UCK2: variants seen among roughly 807,000 people sequenced by gnomAD.
UCK2 encodes uridine-cytidine kinase 2.
Under a neutral mutation model 30.8 loss-of-function variants are expected in UCK2, and 6 were observed. That is an observed-to-expected ratio of 0.19 (90% CI 0.11 to 0.38). The LOEUF (loss-of-function observed/expected upper bound fraction) is 0.38, where lower values mean the gene tolerates loss of function less well. Ranked by LOEUF, UCK2 falls within the 10% of genes least tolerant of loss-of-function variation. The pLI, the probability that UCK2 is intolerant of heterozygous loss-of-function variation, is 1.00. For synonymous variants in UCK2, 125 were observed against 133.6 expected (o/e 0.94, Z 0.45); for missense variants, 210 against 339.8 (o/e 0.62, Z 3.00).
rs538874834 is a variant in UCK2 at position 165,891,293 on chromosome 1, C to G, written c.327C>G (p.Ile109Met). Residue 109 changes from isoleucine to methionine, a missense_variant, in exon 3 of 7, where the codon ATC (isoleucine) becomes ATG (methionine). By Grantham distance (10) the Ile-to-Met change is conservative. Coordinates refer to ENST00000367879, the MANE Select transcript of UCK2 (RefSeq NM_012474.5). ...KEITEGKTVQIPVYDFVSHSR... is the reference protein window; with the variant it reads ...KEITEGKTVQMPVYDFVSHSR... ...TCACTGAAGGGAAAACAGTCCAGAT[C>G]CCCGTGTATGACTTTGTCTCCCATT... The G allele has an allele frequency of 1.2e-6, 2 of 1,614,246 alleles. No homozygotes were observed. The highest frequency in any genetic ancestry group is 1.7e-6 in the Non-Finnish European group (2 of 1,180,050).
At chr1:165,842,231 G>C (rs1654347705) in intron 1 of UCK2, among the ~76,000 whole-genome samples, 1 of 152,138 alleles carries the variant, frequency 6.6e-6, no homozygotes, top group Non-Finnish European at 1.5e-5. Flanking sequence ...TCATGCCTCA[G>C]AATCCCCTTC....
At chr1:165,902,592 A>ACTTTTTTTTTTT (rs1647513972) in intron 4 of UCK2, 1 of 45,758 alleles carries the variant, frequency 2.2e-5, no homozygotes, top group Non-Finnish European at 3.8e-5. Context: ...TCACTGAGTG[A>ACTTTTTTTTTTT]TTTTTTTTTT....
chr1:165,851,286 C>G (rs1417014593), intron 1 of UCK2, among the ~76,000 whole-genome samples: 1 of 152,228 alleles, frequency 6.6e-6, no homozygotes, highest in African/African-American at 2.4e-5. Context: ...ATCCTTATTT[C>G]CTGGCTTCGC....
chr1:165,833,709 A>G (rs74547300), intron 1 of UCK2, among the ~76,000 whole-genome samples: 3,220 of 152,110 alleles, frequency 0.021, 110 homozygotes, highest in African/African-American at 0.072. Flanking sequence ...CTTTTTTGCT[A>G]GTGGGCTCTG....
intron 6 of UCK2, 96 bp from the exon 7 acceptor site, chr1:165,907,588 T>A: frequency 6.7e-7 from 1 of 1,497,104 alleles, no homozygotes; most frequent in Non-Finnish European, 9.0e-7. Context: ...GTCTTTCTAC[T>A]GTGGTTCCTG....
intron 1 of UCK2, among the ~76,000 whole-genome samples, chr1:165,884,560 A>T (rs372239840): frequency 3.9e-5 from 6 of 152,272 alleles, no homozygotes; most frequent in Middle Eastern, 3.4e-3. Context: ...TGAGCACTGA[A>T]GTGTAGTGGA....
In UCK2 at chr1:165,827,881, C is replaced by T; in HGVS notation, c.48C>T (p.Asn16=). 2 of 1,478,908 alleles carry T rather than the reference C, an allele frequency of 1.4e-6. No homozygotes were observed. The highest frequency in any genetic ancestry group is 1.4e-5 in the South Asian group (1 of 72,972). The allele number at this position is 1,478,908 out of a possible 1,614,324, so 91.6% of individuals were successfully genotyped here. Residue 16 remains asparagine, a synonymous_variant, in exon 1 of 7, where the codon AAC becomes AAT. Transcript: ENST00000367879. ...CCCTGCAGAACCACCAGCAGCCCAA[C>T]GGCGGCGAGCCCTTCCTTATAGGCG... is the stretch of plus-strand genomic sequence containing the variant. ...EQTLQNHQQP[N]GGEPFLIGVS... is the part of the protein sequence containing the mutation.
rs571243473 is a variant in UCK2 at position 165,880,896 on chromosome 1, G to C, written c.100-9308G>C. 5.3e-5 allele frequency among the ~76,000 whole-genome samples: 8 copies of C among 152,074 alleles called. No individual in the cohort carries two copies. In the South Asian group the frequency reaches 8.3e-4, roughly 16 times the overall value. Reference sequence around the variant, plus strand: ...TGTTTAAGATGATGTAGCAGGCTGGGCGTGGTGGCTCATGCCTGTAATCCC... The same window carrying C: ...TGTTTAAGATGATGTAGCAGGCTGGCCGTGGTGGCTCATGCCTGTAATCCC... On this transcript the variant is annotated intron_variant, in intron 1 of 6. Coordinates refer to ENST00000367879, the MANE Select transcript of UCK2 (RefSeq NM_012474.5).
At chr1:165,844,704 G>T (rs1654405884) in intron 1 of UCK2, among the ~76,000 whole-genome samples, 1 of 152,158 alleles carries the variant, frequency 6.6e-6, no homozygotes. Flanking sequence ...GCTGAAGGTC[G>T]AGCTGATCAC....
Position 165,907,976 on chromosome 1 carries a change from A to G in UCK2, c.*153A>G. 4.4e-6 allele frequency: 5 copies of G among 1,145,042 alleles called. No individual in the cohort carries two copies. The highest frequency in any genetic ancestry group is 1.9e-5 in the South Asian group (1 of 51,420). The allele number at this position is 1,145,042 out of a possible 1,614,324, so 70.9% of individuals were successfully genotyped here. On this transcript the variant is annotated 3_prime_UTR_variant, in exon 7 of 7. Transcript: ENST00000367879. Reference sequence around the variant, plus strand: ...CCTTTGATTTTTTTTTTCTTTTTGTACTTTGGAACGACAAAATGAAACAGA... The same window carrying G: ...CCTTTGATTTTTTTTTTCTTTTTGTGCTTTGGAACGACAAAATGAAACAGA...
chr1:165,857,808 T>C (rs1483966061), intron 1 of UCK2, among the ~76,000 whole-genome samples: 1 of 152,172 alleles, frequency 6.6e-6, no homozygotes, highest in Non-Finnish European at 1.5e-5. Flanking sequence ...TCTACCCTAC[T>C]CCTGTTGGCC....
intron 1 of UCK2, among the ~76,000 whole-genome samples, chr1:165,869,078 C>T (rs1309424643): frequency 6.6e-6 from 1 of 152,122 alleles, no homozygotes; most frequent in East Asian, 1.9e-4. Context: ...TGGAATGCCC[C>T]AGTCAGTGGA....
chr1:165,895,732 C>T, intron 3 of UCK2: 2 of 837,960 alleles, frequency 2.4e-6, no homozygotes, highest in Non-Finnish European at 2.9e-6. Context: ...TGCCTCAGGA[C>T]TGGCGGGGAG....
chr1:165,898,664 C>T lies in UCK2; in HGVS notation c.499+2332C>T, dbSNP rs74974383. On this transcript the variant is annotated intron_variant, in intron 4 of 6. Coordinates refer to ENST00000367879, the MANE Select transcript of UCK2 (RefSeq NM_012474.5). ...AACCAAGTTTTGAGCAGCAGCAAGA[C>T]GCTGGAAATAAAGTGCATCCTAGTG... 2.8e-3 allele frequency among the ~76,000 whole-genome samples: 429 copies of T among 152,312 alleles called. 2 individuals carry two copies. The highest frequency in any genetic ancestry group is 9.6e-3 in the African/African-American group (400 of 41,564).
chr1:165,862,796 A>G (rs1654951910), intron 1 of UCK2, among the ~76,000 whole-genome samples: 1 of 152,206 alleles, frequency 6.6e-6, no homozygotes, highest in South Asian at 2.1e-4. Flanking sequence ...AGTTCCCGAC[A>G]CAGAGAGAGA....
chr1:165,860,137 G>C (rs543379797), intron 1 of UCK2, among the ~76,000 whole-genome samples: 8 of 152,166 alleles, frequency 5.3e-5, no homozygotes, highest in Admixed American at 1.3e-4. Context: ...GTTGCACTGC[G>C]GGGCAGATTC....
intron 1 of UCK2, 91 bp from the exon 2 acceptor site, chr1:165,890,113 A>C: frequency 7.0e-7 from 1 of 1,420,230 alleles, no homozygotes. Context: ...CCTTCTTGGA[A>C]GGTGTGCATC....
At chr1:165,858,878 C>T (rs893808798) in intron 1 of UCK2, among the ~76,000 whole-genome samples, 13 of 152,084 alleles carry the variant, frequency 8.5e-5, no homozygotes, top group Admixed American at 5.2e-4. Context: ...ACTGTGGGAG[C>T]GGGTCCTGTT....
intron 3 of UCK2, chr1:165,895,978 G>A (rs892435264): frequency 1.2e-5 from 7 of 573,390 alleles, no homozygotes; most frequent in Non-Finnish European, 2.1e-5. Flanking sequence ...AGTGGTCAAA[G>A]GAGACCTTTG....
Sources: gnomAD v4.1 joint callset for allele counts (sites outside exome capture counted in the v4.1 genomes callset) on GRCh38, gnomAD v4.1.1 for gene constraint, MANE v1.5 for transcripts, NCBI Gene and HGNC (gene_info 2026-07-23, HGNC 2026-07-21) for gene names.